The following GART variants were observed in gnomAD, a reference collection of about 807,000 sequenced individuals.
The protein encoded by GART is phosphoribosylglycinamide formyltransferase, phosphoribosylglycinamide synthetase, phosphoribosylaminoimidazole synthetase, also known as trifunctional purine biosynthetic protein adenosine-3.
Under a neutral mutation model 107.2 loss-of-function variants are expected in GART, and 43 were observed. The ratio of observed to expected loss-of-function variants is 0.40; its 90% CI spans 0.31 to 0.52. The LOEUF is 0.52. Ranked by LOEUF, GART falls within the 20% of genes least tolerant of loss-of-function variation. The probability of loss-of-function intolerance (pLI) is 0.52; values close to 1 mark genes in which losing one functional copy is unlikely to be tolerated. For synonymous variants in GART, 434 were observed against 427.0 expected, an observed-to-expected ratio of 1.02 and a Z score of -0.20; for missense variants, 1,107 against 1,206.5, an observed-to-expected ratio of 0.92 and a Z score of 1.22.
intron 2 of GART, among the ~76,000 whole-genome samples, chr21:33,538,401 G>C (rs560785238): frequency 1.3e-5 from 2 of 149,570 alleles, no homozygotes; most frequent in African/African-American, 2.4e-5. Context: ...GCTAATTTTT[G>C]TATTTTTTTT....
chr21:33,504,803 A>G (rs1056432391), intron 20 of GART, among the ~76,000 whole-genome samples: 1 of 152,204 alleles, frequency 6.6e-6, no homozygotes, highest in Non-Finnish European at 1.5e-5. Flanking sequence ...GCTGAATACC[A>G]GCTTGTTGCT....
chr21:33,541,031 AG>A (rs1478247674), intron 1 of GART, among the ~76,000 whole-genome samples: 4 of 152,104 alleles, frequency 2.6e-5, no homozygotes, highest in East Asian at 1.9e-4. Context: ...AATTTGAGAA[AG>A]GAAAAAAAAA....
rs780499102 is a variant in GART at position 33,506,054 on chromosome 21, C to T, written c.2503G>A (p.Ala835Thr). The change falls in exon 19 of 22, where the codon GCA becomes ACA. Residue 835 changes from alanine (A) to threonine (T), a missense_variant. Coordinates refer to ENST00000381815, the MANE Select transcript of GART (RefSeq NM_000819.5). ...IDSTREPNSS[A>T]QIDIVISNKA... ...TTGGAGATAACAATATCAATTTGTGCAGAGCTATTTGGTTCCCGAGTACTG... is the reference window on the plus strand; with the variant it reads ...TTGGAGATAACAATATCAATTTGTGTAGAGCTATTTGGTTCCCGAGTACTG... The T allele has an allele frequency of 6.2e-7, 1 of 1,614,118 alleles. No individual in the cohort carries two copies. Among genetic ancestry groups the T allele is most frequent in the East Asian group, 2.2e-5 (1 of 44,888 alleles).
intron 12 of GART, among the ~76,000 whole-genome samples, chr21:33,521,789 G>A (rs1569021527): frequency 1.3e-5 from 2 of 151,732 alleles, no homozygotes; most frequent in Admixed American, 6.6e-5. Context: ...GTGAAATCAT[G>A]TCTCTACAAA....
In GART at chr21:33,504,115, T is replaced by TA. The variant is rs1170590929; in HGVS notation, c.*8dup. On this transcript the variant is annotated 3_prime_UTR_variant, in exon 22 of 22. Coordinates refer to ENST00000381815, the MANE Select transcript of GART (RefSeq NM_000819.5). ...TTCTAAACTGGCCCCATTTCTGAATTAAAAGGCTTCATTCCTCTTTAACCC... is the reference window on the plus strand; with the variant it reads ...TTCTAAACTGGCCCCATTTCTGAATTAAAAAGGCTTCATTCCTCTTTAACCC... 6.3e-7 allele frequency: 1 copy of TA among 1,590,288 alleles called. No individual in the cohort carries two copies. Among genetic ancestry groups the TA allele is most frequent in the African/African-American group, 1.4e-5 (1 of 74,060 alleles).
chr21:33,509,692 T>G, intron 18 of GART, 91 bp downstream of exon 18: 3 of 1,356,564 alleles, frequency 2.2e-6, no homozygotes, highest in Non-Finnish European at 3.1e-6. Context: ...CCCTAGACTC[T>G]GCCGAGAGTA....
chr21:33,535,770 G>T (rs1476217107), intron 2 of GART, among the ~76,000 whole-genome samples: 3 of 152,222 alleles, frequency 2.0e-5, no homozygotes, highest in Non-Finnish European at 4.4e-5. Flanking sequence ...GCTCACGCCT[G>T]TAATCCCAGC....
Position 33,517,071 on chromosome 21 carries a change from G to A in GART, c.2025C>T (p.Val675=). ...CACCAGTAATATGGGCAAAGGCTTT[G>A]ACATGTCCTGAACGTAGGACAGGTA... ...SLLPVLRSGH[V]KAFAHITGGG... is the part of the protein sequence containing the mutation. The change falls in exon 16 of 22, where the codon GTC becomes GTT. Residue 675 remains valine, a synonymous_variant. Transcript: ENST00000381815. 1.9e-6 allele frequency: 3 copies of A among 1,613,858 alleles called. No individual in the cohort carries two copies. The highest frequency in any genetic ancestry group is 1.1e-5 in the South Asian group (1 of 91,058).
At chr21:33,509,670 A>G in intron 18 of GART, 113 bp downstream of exon 18, 1 of 1,058,730 alleles carries the variant, frequency 9.4e-7, no homozygotes, top group East Asian at 2.5e-5. Flanking sequence ...AACCCTCATG[A>G]TTCCCCCCAG....
Position 33,520,393 on chromosome 21 carries a change from G to A in GART, c.1673C>T (p.Ala558Val). The A allele has an allele frequency of 6.2e-7, 1 of 1,614,126 alleles. No homozygotes were observed. ...GAGAGCACATCCAGCTTTTCCACAAGCTTTAGCAATTCCAGCAACAACAGC... is the reference window on the plus strand; with the variant it reads ...GAGAGCACATCCAGCTTTTCCACAAACTTTAGCAATTCCAGCAACAACAGC... Reference protein sequence around the residue: ...TEAVVAGIAKACGKAGCALLG... With the variant: ...TEAVVAGIAKVCGKAGCALLG... Residue 558 changes from alanine to valine, a missense_variant, in exon 14 of 22, where the codon GCT (alanine) becomes GTT (valine). Ala to Val is a moderately conservative substitution (Grantham distance 64). Coordinates refer to ENST00000381815, the MANE Select transcript of GART (RefSeq NM_000819.5).
chr21:33,521,090 T>C (rs549909531), intron 12 of GART, 75 bp from the exon 13 acceptor site: 1 of 1,217,064 alleles, frequency 8.2e-7, no homozygotes, highest in Non-Finnish European at 1.2e-6. Flanking sequence ...TCTACTAGTT[T>C]AAAAAAACCA....
At chr21:33,518,199 T>C (rs1385657030) in intron 14 of GART, among the ~76,000 whole-genome samples, 1 of 152,230 alleles carries the variant, frequency 6.6e-6, no homozygotes, top group Non-Finnish European at 1.5e-5. Context: ...GAATAAATTG[T>C]GGGCTGGGCA....
rs572992301 is a variant in GART, at chr21:33,517,409, A to G, written c.1902T>C (p.Ser634=). ...FSLVRKIVAK[S]SLQYSSPAPD... ...GTGCTGGAGAGGAGTACTGGAGGGA[A>G]GATTTTGCCACGATTTTCCTCACAA... Residue 634 remains serine (S), a synonymous_variant, in exon 15 of 22, where the codon TCT becomes TCC. Coordinates refer to ENST00000381815, the MANE Select transcript of GART (RefSeq NM_000819.5). 1.9e-6 allele frequency: 3 copies of G among 1,614,158 alleles called. No homozygotes were observed. The highest frequency in any genetic ancestry group is 1.3e-5 in the African/African-American group (1 of 75,040).
rs1271900822 is a variant in GART, at chr21:33,535,294, G to C, written c.172C>G (p.Leu58Val). 1 of 1,580,302 alleles carries C rather than the reference G, an allele frequency of 6.3e-7. No individual in the cohort carries two copies. Among genetic ancestry groups the C allele is most frequent in the Non-Finnish European group, 8.6e-7 (1 of 1,166,962 alleles). ...TAISISDHTA[L>V]AQFCKEKKIE... is the part of the protein sequence containing the mutation. ...TTCTTCTCTTTGCAGAATTGAGCAA[G>C]GGCAGTGTGGTCACTGATTGAGATG... Residue 58 changes from leucine (L) to valine (V), a missense_variant, in exon 3 of 22, where the codon CTT becomes GTT. By Grantham distance (32) the Leu-to-Val change is conservative. Coordinates refer to ENST00000381815, the MANE Select transcript of GART (RefSeq NM_000819.5).
intron 11 of GART, chr21:33,524,455 G>T: frequency 3.2e-6 from 2 of 622,766 alleles, no homozygotes; most frequent in Non-Finnish European, 2.0e-6. Flanking sequence ...GGAGGCTGAG[G>T]CATGAGAACT....
chr21:33,521,031 T>TG lies in GART; in HGVS notation c.1394-17_1394-16insC. 6.4e-7 allele frequency: 1 copy of TG among 1,573,834 alleles called. No individual in the cohort carries two copies. Among genetic ancestry groups the TG allele is most frequent in the Non-Finnish European group, 8.7e-7 (1 of 1,146,352 alleles). ...ACTTTACAGCCTGTTGGAGAGGAAATTAATTACTTGCTACATTTTAATAGA... is the reference window on the plus strand; with the variant it reads ...ACTTTACAGCCTGTTGGAGAGGAAATGTAATTACTTGCTACATTTTAATAGA... On this transcript the variant is annotated splice_polypyrimidine_tract_variant and intron_variant, in intron 12 of 21. Coordinates refer to ENST00000381815, the MANE Select transcript of GART (RefSeq NM_000819.5).
intron 2 of GART, among the ~76,000 whole-genome samples, 169 bp downstream of exon 2, chr21:33,539,002 C>T (rs1294331308): frequency 1.3e-5 from 2 of 152,016 alleles, no homozygotes; most frequent in African/African-American, 4.8e-5. Flanking sequence ...GGATGGTCTC[C>T]ATCTCCTGAC....
chr21:33,527,961 A>G (rs1026566913), intron 10 of GART, among the ~76,000 whole-genome samples: 1 of 152,202 alleles, frequency 6.6e-6, no homozygotes, highest in Non-Finnish European at 1.5e-5. Flanking sequence ...TTCCTTGCAC[A>G]GGAAGGGAAA....
At chr21:33,523,453 T>C (rs1053349270) in intron 11 of GART, among the ~76,000 whole-genome samples, 2 of 152,188 alleles carry the variant, frequency 1.3e-5, no homozygotes, top group African/African-American at 2.4e-5. Flanking sequence ...TCCCTTGAAA[T>C]AGGTCATTTC....
Sources: allele counts gnomAD v4.1 joint callset (sites outside exome capture counted in the v4.1 genomes callset), GRCh38; gene constraint gnomAD v4.1.1; transcripts MANE v1.5; gene names NCBI Gene and HGNC (gene_info 2026-07-23, HGNC 2026-07-21).